Variants in CRYM observed in about 807,000 individuals in gnomAD.
CRYM encodes the protein ketimine reductase mu-crystallin.
In CRYM, 18 loss-of-function variants were observed where a neutral mutation model predicts 32.9. The observed-to-expected ratio is 0.55, with a 90% CI of 0.38 to 0.81. The LOEUF (loss-of-function observed/expected upper bound fraction) is 0.81, where lower values mean the gene tolerates loss of function less well. Ranked by LOEUF, CRYM falls within the 30% of genes least tolerant of loss-of-function variation. The pLI is 0.00. For missense variants in CRYM, 337 were observed against 393.5 expected (o/e 0.86, Z 1.21); for synonymous variants, 153 against 152.4 (o/e 1.00, Z -0.03).
chr16:21,276,341 G>A (rs1567235335), intron 2 of CRYM, among the ~76,000 whole-genome samples: 1 of 152,200 alleles, frequency 6.6e-6, no homozygotes, highest in Non-Finnish European at 1.5e-5. Flanking sequence ...GCTGTTGGCA[G>A]GTAGTATGAA....
intron 1 of CRYM, among the ~76,000 whole-genome samples, chr16:21,286,479 G>A (rs373806665): frequency 2.0e-5 from 3 of 150,620 alleles, no homozygotes; most frequent in East Asian, 2.0e-4. Context: ...CACCCGCCTC[G>A]GCCTCCCAAA....
chr16:21,262,168 AG>A lies in CRYM; in HGVS notation c.674-11del. The A allele has an allele frequency of 6.2e-7, 1 of 1,614,014 alleles. No individual in the cohort carries two copies. Among genetic ancestry groups the A allele is most frequent in the Non-Finnish European group, 8.5e-7 (1 of 1,179,918 alleles). On this transcript the variant is annotated splice_polypyrimidine_tract_variant and intron_variant, in intron 5 of 7. Transcript: ENST00000572914. Reference sequence around the variant, plus strand: ...CTGCTGGCTCCAACAGCTAAGAGACAGCAAAACAGACCTTAAGCCCAGGATT... The same window carrying A: ...CTGCTGGCTCCAACAGCTAAGAGACACAAAACAGACCTTAAGCCCAGGATT...
At chr16:21,296,366 C>T (rs924639770) in intron 1 of CRYM, among the ~76,000 whole-genome samples, 2 of 152,156 alleles carry the variant, frequency 1.3e-5, no homozygotes, top group East Asian at 3.9e-4. Context: ...TAGATGAGAA[C>T]TTGTCAGGGA....
At chr16:21,287,445 C>G (rs530604035) in intron 1 of CRYM, among the ~76,000 whole-genome samples, 9 of 152,296 alleles carry the variant, frequency 5.9e-5, no homozygotes, top group African/African-American at 2.2e-4. Flanking sequence ...TTATTCAAAA[C>G]TTGACCATAC....
chr16:21,267,670 C>T lies in CRYM; in HGVS notation c.557G>A (p.Arg186Gln), dbSNP rs368131807. Residue 186 changes from arginine (R) to glutamine (Q), a missense_variant, in exon 5 of 8, where the codon CGG (arginine) becomes CAG (glutamine). Transcript: ENST00000572914. ...AGCCTCCTGGACCGAAGAACAGACC[C>T]GTACCTCTCCTTGCACTGTGTCTGC... ...KFADTVQGEV[R>Q]VCSSVQEAVA... The T allele has an allele frequency of 2.3e-5, 37 of 1,614,222 alleles. No individual in the cohort carries two copies. In the Middle Eastern group the frequency reaches 1.2e-3, roughly 50 times the overall value.
At chr16:21,270,036 G>T (rs1384785705) in intron 3 of CRYM, 145 bp from the exon 4 acceptor site, 2 of 690,660 alleles carry the variant, frequency 2.9e-6, no homozygotes, top group Admixed American at 2.1e-5. Flanking sequence ...ATTTCCTTTT[G>T]TGTCTAGTTT....
Position 21,277,328 on chromosome 16 carries a change from C to G in CRYM, c.324+103G>C, listed in dbSNP as rs2093388585. 3 of 1,223,736 alleles carry G rather than the reference C, an allele frequency of 2.5e-6. No individual in the cohort carries two copies. Among genetic ancestry groups the G allele is most frequent in the African/African-American group, 1.5e-5 (1 of 67,314 alleles). The allele number at this position is 1,223,736 out of a possible 1,614,324, so 75.8% of individuals were successfully genotyped here. A position where few individuals can be genotyped will look rare whatever the true frequency, so the allele number is the denominator to read the frequency against. On this transcript the variant is annotated intron_variant, in intron 2 of 7. Coordinates refer to ENST00000572914, the MANE Select transcript of CRYM (RefSeq NM_001376256.1). This position sits in a 1 kb window ranked among gnomAD's most constrained non-coding sequence, Gnocchi z 4.2. ...GTATCCAGTCACTTGCAGAGGGGCA[C>G]GCGTAGTCACAATCAAGACTCCCCC...
chr16:21,286,703 C>T (rs1358677821), intron 1 of CRYM, among the ~76,000 whole-genome samples: 1 of 152,068 alleles, frequency 6.6e-6, no homozygotes, highest in Non-Finnish European at 1.5e-5. Flanking sequence ...AGTCAAGCAC[C>T]ATTTCTTATT....
upstream of CRYM, among the ~76,000 whole-genome samples, chr16:21,283,231 C>T (rs921792531): frequency 9.2e-5 from 14 of 152,090 alleles, no homozygotes; most frequent in African/African-American, 3.4e-4. Flanking sequence ...TAGTGAGGTA[C>T]TCACCTATGG....
upstream of CRYM, among the ~76,000 whole-genome samples, chr16:21,282,900 TTAGG>T (rs557637388): frequency 2.9e-3 from 437 of 152,202 alleles, 6 homozygotes; most frequent in Admixed American, 6.5e-3. Context: ...ATATTAAATA[TTAGG>T]TGTTATTGAG....
chr16:21,272,816 ATTTTTTT>A (rs60416570), intron 3 of CRYM, among the ~76,000 whole-genome samples: 1 of 42,292 alleles, frequency 2.4e-5, no homozygotes, highest in Non-Finnish European at 4.2e-5. Flanking sequence ...TGCCCAGCTA[ATTTTTTT>A]TTTTTTTTTT....
intron 1 of CRYM, among the ~76,000 whole-genome samples, chr16:21,288,076 C>T (rs529281891): frequency 2.1e-4 from 32 of 152,252 alleles, no homozygotes; most frequent in African/African-American, 7.0e-4. Flanking sequence ...AAGGGAAATT[C>T]GAAAATACTT....
intron 1 of CRYM, among the ~76,000 whole-genome samples, chr16:21,285,748 C>T (rs1235615119): frequency 2.0e-5 from 3 of 152,050 alleles, no homozygotes; most frequent in African/African-American, 7.2e-5. Flanking sequence ...GGGAGAAATC[C>T]AGTAGTGAGA....
upstream of CRYM, chr16:21,278,351 G>T: frequency 1.4e-6 from 2 of 1,441,530 alleles, no homozygotes; most frequent in Non-Finnish European, 1.9e-6. Flanking sequence ...GGAGCCGCCT[G>T]CTGGTCACAG....
At chr16:21,292,351 G>A (rs1960679030) in intron 1 of CRYM, among the ~76,000 whole-genome samples, 1 of 152,020 alleles carries the variant, frequency 6.6e-6, no homozygotes, top group South Asian at 2.1e-4. Context: ...AACATTTAGG[G>A]AAAATTTTAA....
In CRYM at chr16:21,277,369, A is replaced by C; in HGVS notation, c.324+62T>G. On this transcript the variant is annotated intron_variant, in intron 2 of 7. Coordinates refer to ENST00000572914, the MANE Select transcript of CRYM (RefSeq NM_001376256.1). This position sits in a 1 kb window ranked among gnomAD's most constrained non-coding sequence, Gnocchi z 4.2. ...AGACTCCCCCTGCTGCGGAGAACTT[A>C]CTTTTGAGCTTCAATCTGGGCCCAG... 1 of 1,586,650 alleles carries C rather than the reference A, an allele frequency of 6.3e-7. No individual in the cohort carries two copies. Among genetic ancestry groups the C allele is most frequent in the Non-Finnish European group, 8.6e-7 (1 of 1,164,154 alleles).
At chr16:21,264,957 A>T in intron 5 of CRYM, among the ~76,000 whole-genome samples, 1 of 152,054 alleles carries the variant, frequency 6.6e-6, no homozygotes, top group Non-Finnish European at 1.5e-5. Context: ...ATGTTGCCCA[A>T]TTTCTTTTTT....
intron 5 of CRYM, among the ~76,000 whole-genome samples, chr16:21,266,304 C>T (rs2093363567): frequency 6.6e-6 from 1 of 152,090 alleles, no homozygotes; most frequent in African/African-American, 2.4e-5. Context: ...GTTCATCCCC[C>T]TATAAAATGT....
At chr16:21,285,203 T>TG (rs1359153357) in intron 1 of CRYM, among the ~76,000 whole-genome samples, 1 of 152,210 alleles carries the variant, frequency 6.6e-6, no homozygotes, top group Non-Finnish European at 1.5e-5. Flanking sequence ...AAAATAAACT[T>TG]GGGGCTTATG....
Sources: gnomAD v4.1 joint callset for allele counts (sites outside exome capture counted in the v4.1 genomes callset) on GRCh38, gnomAD v4.1.1 for gene constraint, Gnocchi (gnomAD v3.1) non-coding constraint, MANE v1.5 for transcripts, NCBI Gene and HGNC (gene_info 2026-07-23, HGNC 2026-07-21) for gene names.